Variants in CYB5RL observed in about 807,000 individuals in gnomAD.
The protein encoded by CYB5RL is cytochrome b5 reductase like.
CYB5RL carries 38 observed loss-of-function variants against 37.5 expected under a neutral mutation model. The ratio of observed to expected loss-of-function variants is 1.01; its 90% CI spans 0.78 to 1.33. CYB5RL has a LOEUF of 1.33. Ranked by LOEUF, CYB5RL falls within the 40% of genes most tolerant of loss-of-function variation. The probability of loss-of-function intolerance (pLI) is 0.00; values close to 1 mark genes in which losing one functional copy is unlikely to be tolerated. For synonymous variants in CYB5RL, 141 were observed against 151.9 expected (o/e 0.93, Z 0.53); for missense variants, 388 against 394.4 (o/e 0.98, Z 0.14).
chr1:54,174,220 G>A lies in CYB5RL; in HGVS notation c.*399C>T, dbSNP rs767068944. 5.9e-5 allele frequency: 15 copies of A among 252,676 alleles called. No individual in the cohort carries two copies. The highest frequency in any genetic ancestry group is 1.1e-4 in the Non-Finnish European group (14 of 126,254). The allele number at this position is 252,676 out of a possible 1,614,324, so 15.7% of individuals were successfully genotyped here. Reference sequence around the variant, plus strand: ...TCAGGAGCCCCTAATCCGAGATGGTGCTGAGGCCACAGTTGGAGCCCCCAT... The same window carrying A: ...TCAGGAGCCCCTAATCCGAGATGGTACTGAGGCCACAGTTGGAGCCCCCAT... On this transcript the variant is annotated 3_prime_UTR_variant, in exon 8 of 8. Coordinates refer to ENST00000534324, the MANE Select transcript of CYB5RL (RefSeq NM_001031672.4).
intron 7 of CYB5RL, chr1:54,175,683 A>T: frequency 6.8e-6 from 3 of 440,500 alleles, no homozygotes; most frequent in South Asian, 4.8e-5. Context: ...AATATTTTTT[A>T]AAAAACATTA....
rs1660089552 is a variant in CYB5RL at position 54,179,016 on chromosome 1, T to C, written c.744+133A>G. On this transcript the variant is annotated intron_variant, in intron 7 of 7. Transcript: ENST00000534324. ...TGAGAACACCTGCCTTCCATACAGGTGGGTGCTCCACCAGTGGCAGGGATT... is the reference window on the plus strand; with the variant it reads ...TGAGAACACCTGCCTTCCATACAGGCGGGTGCTCCACCAGTGGCAGGGATT... 4 of 1,008,572 alleles carry C rather than the reference T, an allele frequency of 4.0e-6. No homozygotes were observed. In the Admixed American group the frequency reaches 8.7e-5, roughly 22 times the overall value. 62.5% of individuals were successfully genotyped at this position (1,008,572 alleles called of 1,614,324 possible).
In CYB5RL at chr1:54,170,026, A is replaced by C. The variant is rs762187669; in HGVS notation, c.*4593T>G. ...TTTAGGACTTCGTCTATATTGGTACATGCGGATGGAGTTCACTTTAATTGC... is the reference window on the plus strand; with the variant it reads ...TTTAGGACTTCGTCTATATTGGTACCTGCGGATGGAGTTCACTTTAATTGC... On this transcript the variant is annotated 3_prime_UTR_variant, in exon 8 of 8. Transcript: ENST00000534324. 2 of 152,252 alleles carry C rather than the reference A, an allele frequency of 1.3e-5. No individual in the cohort carries two copies. Among genetic ancestry groups the C allele is most frequent in the Non-Finnish European group, 2.9e-5 (2 of 68,046 alleles). The allele number at this position is 152,252 out of a possible 1,614,324, so 9.4% of individuals were successfully genotyped here.
rs138151633 is a variant in CYB5RL at position 54,197,682 on chromosome 1, T to G, written c.-222-1191A>C. Among the ~76,000 whole-genome samples, 973 of 152,176 alleles carry G rather than the reference T, an allele frequency of 6.4e-3. 12 individuals carry two copies. The highest frequency in any genetic ancestry group is 0.022 in the African/African-American group (924 of 41,516). On this transcript the variant is annotated intron_variant, in intron 1 of 7. Coordinates refer to ENST00000534324, the MANE Select transcript of CYB5RL (RefSeq NM_001031672.4). ...GTTTGACTGGCTAGGGTTTTCTCAC[T>G]CTCAGTTGTTAGGGACAATCTGGCC...
At chr1:54,187,130 T>C (rs920327178) in intron 5 of CYB5RL, among the ~76,000 whole-genome samples, 2 of 152,192 alleles carry the variant, frequency 1.3e-5, no homozygotes, top group Admixed American at 6.6e-5. Flanking sequence ...ATTTGTTTCC[T>C]ATTCCTTGGG....
intron 7 of CYB5RL, chr1:54,175,540 T>C (rs920520886): frequency 3.8e-4 from 122 of 321,854 alleles, no homozygotes; most frequent in African/African-American, 2.2e-3. Context: ...AAGGAATTTC[T>C]TCTATTTTTT....
intron 6 of CYB5RL, among the ~76,000 whole-genome samples, chr1:54,183,437 C>A (rs1353216575): frequency 6.6e-6 from 1 of 152,114 alleles, no homozygotes; most frequent in Non-Finnish European, 1.5e-5. Context: ...TGAGAAATTA[C>A]GAATTCTTAC....
Position 54,173,817 on chromosome 1 carries a change from G to A in CYB5RL, c.*802C>T, listed in dbSNP as rs17389969. 0.021 allele frequency: 3,144 copies of A among 152,714 alleles called. 43 individuals carry two copies. Among genetic ancestry groups the A allele is most frequent in the Non-Finnish European group, 0.031 (2,114 of 68,088 alleles). 9.5% of individuals were successfully genotyped at this position (152,714 alleles called of 1,614,324 possible). ...GGACCGTGATCGGCAGCCGCTCAGT[G>A]GGACAAGCTGGGAGAGGGACCCAGG... is the stretch of plus-strand genomic sequence containing the variant. On this transcript the variant is annotated 3_prime_UTR_variant, in exon 8 of 8. Transcript: ENST00000534324.
At position 54,196,961 on chromosome 1, in the gene CYB5RL, G is replaced by C. The variant is rs1435172695; in HGVS notation, c.-222-470C>G. On this transcript the variant is annotated intron_variant, in intron 1 of 7. Transcript: ENST00000534324. ...ATTAACAGAACACTGAGACTGACTA[G>C]ATGTGAGGGAGTGTGGGGGGACAGA... Among the ~76,000 whole-genome samples the C allele has an allele frequency of 2.6e-5, 4 of 152,242 alleles. No individual in the cohort carries two copies. The East Asian group carries it at 7.7e-4, about 29-fold the overall frequency.
At chr1:54,187,548 G>A (rs1643911820) in intron 5 of CYB5RL, 104 bp downstream of exon 5, 10 of 1,116,730 alleles carry the variant, frequency 9.0e-6, no homozygotes, top group Non-Finnish European at 1.3e-5. Flanking sequence ...TGTCCATGTT[G>A]TTCCCAGCAC....
chr1:54,198,879 TCCC>T (rs1447616512), intron 1 of CYB5RL, among the ~76,000 whole-genome samples: 3 of 152,004 alleles, frequency 2.0e-5, no homozygotes, highest in Non-Finnish European at 4.4e-5. Context: ...AAGTGGCCCC[TCCC>T]ACCTAGGTCT....
chr1:54,182,309 C>T (rs764614706), intron 6 of CYB5RL, among the ~76,000 whole-genome samples: 8 of 152,200 alleles, frequency 5.3e-5, no homozygotes, highest in Non-Finnish European at 1.0e-4. Context: ...GCCTGGCACA[C>T]ATGAGGTGCT....
At chr1:54,198,461 T>C (rs1193677068) in intron 1 of CYB5RL, among the ~76,000 whole-genome samples, 1 of 151,124 alleles carries the variant, frequency 6.6e-6, no homozygotes, top group Non-Finnish European at 1.5e-5. Context: ...GCCTCCCGAG[T>C]AGCTGGGACT....
intron 4 of CYB5RL, 114 bp downstream of exon 4, chr1:54,190,634 T>C (rs776099145): frequency 1.3e-5 from 18 of 1,351,672 alleles, no homozygotes; most frequent in South Asian, 1.1e-4. Flanking sequence ...TATGTCTATC[T>C]TGAAGATGAC....
chr1:54,198,339 T>C (rs1401110341), intron 1 of CYB5RL, among the ~76,000 whole-genome samples: 5 of 151,472 alleles, frequency 3.3e-5, no homozygotes, highest in East Asian at 1.9e-4. Flanking sequence ...TTCTTTCTTT[T>C]TTTTTTTTTT....
chr1:54,170,999 C>G lies in CYB5RL; in HGVS notation c.*3620G>C, dbSNP rs919656025. ...ACATCCAGGAAGTGCTGAGCATCCTCCCCTGTTAGGGGTACAATGGGCCGG... is the reference window on the plus strand; with the variant it reads ...ACATCCAGGAAGTGCTGAGCATCCTGCCCTGTTAGGGGTACAATGGGCCGG... On this transcript the variant is annotated 3_prime_UTR_variant, in exon 8 of 8. Transcript: ENST00000534324. 5 of 383,688 alleles carry G rather than the reference C, an allele frequency of 1.3e-5. No individual in the cohort carries two copies. The highest frequency in any genetic ancestry group is 2.7e-5 in the Non-Finnish European group (5 of 188,670). 23.8% of individuals were successfully genotyped at this position (383,688 alleles called of 1,614,324 possible). A position where few individuals can be genotyped will look rare whatever the true frequency, so the allele number is the denominator to read the frequency against.
Position 54,180,993 on chromosome 1 carries a change from C to G in CYB5RL, c.541-1641G>C, listed in dbSNP as rs189609651. On this transcript the variant is annotated intron_variant, in intron 6 of 7. Coordinates refer to ENST00000534324, the MANE Select transcript of CYB5RL (RefSeq NM_001031672.4). Reference sequence around the variant, plus strand: ...ATCATGCCACTGCACTCCAGCTGGGCAAGAGTGAGACCCTGTCTCAAACAA... The same window carrying G: ...ATCATGCCACTGCACTCCAGCTGGGGAAGAGTGAGACCCTGTCTCAAACAA... 9.1e-4 allele frequency among the ~76,000 whole-genome samples: 138 copies of G among 152,222 alleles called. 2 individuals are homozygous for G. The highest frequency in any genetic ancestry group is 3.0e-3 in the African/African-American group (124 of 41,534).
At chr1:54,197,322 T>C (rs1644017495) in intron 1 of CYB5RL, among the ~76,000 whole-genome samples, 1 of 148,126 alleles carries the variant, frequency 6.8e-6, no homozygotes. Context: ...CTTTTCTTTT[T>C]TTTTTTTTTT....
intron 1 of CYB5RL, among the ~76,000 whole-genome samples, chr1:54,198,056 A>AAAAAAAAAAAAAAAAGG (rs1348276688): frequency 7.2e-6 from 1 of 138,542 alleles, no homozygotes; most frequent in Non-Finnish European, 1.5e-5. Context: ...AAAAAAAAAA[A>AAAAAAAAAAAAAAAAGG]GGGTGGTATC....
Sources: gnomAD v4.1 joint callset for allele counts (sites outside exome capture counted in the v4.1 genomes callset) on GRCh38, gnomAD v4.1.1 for gene constraint, MANE v1.5 for transcripts, NCBI Gene and HGNC (gene_info 2026-07-23, HGNC 2026-07-21) for gene names.